The following DGKB variants were observed in gnomAD, a reference collection of about 807,000 sequenced individuals.
DGKB encodes the protein diacylglycerol kinase beta.
Under a neutral mutation model 114.3 loss-of-function variants are expected in DGKB, and 67 were observed. The ratio of observed to expected loss-of-function variants is 0.59; its 90% CI spans 0.48 to 0.72. The LOEUF (loss-of-function observed/expected upper bound fraction) is 0.72. Ranked by LOEUF, DGKB falls within the 30% of genes least tolerant of loss-of-function variation. The probability of loss-of-function intolerance (pLI) is 0.00; values close to 1 mark genes in which losing one functional copy is unlikely to be tolerated. For synonymous variants in DGKB, 398 were observed against 323.1 expected, an observed-to-expected ratio of 1.23 and a Z score of -2.49; for missense variants, 907 against 975.2, an observed-to-expected ratio of 0.93 and a Z score of 0.93.
intron 20 of DGKB, among the ~76,000 whole-genome samples, chr7:14,509,712 G>A (rs899586255): frequency 6.6e-5 from 10 of 152,178 alleles, no homozygotes; most frequent in Non-Finnish European, 1.3e-4. Flanking sequence ...GCAAGCCTCC[G>A]ACGCTCTGGT....
At chr7:14,171,259 G>A (rs1476023122) in intron 25 of DGKB, among the ~76,000 whole-genome samples, 1 of 152,176 alleles carries the variant, frequency 6.6e-6, no homozygotes, top group Non-Finnish European at 1.5e-5. Context: ...CTATCACTTT[G>A]TAGAGTCTTC....
At chr7:14,704,079 A>G (rs1439551181) in intron 6 of DGKB, among the ~76,000 whole-genome samples, 1 of 151,984 alleles carries the variant, frequency 6.6e-6, no homozygotes, top group Non-Finnish European at 1.5e-5. Flanking sequence ...TCTCTCTCCA[A>G]AGACACCCAT....
chr7:14,893,321 A>G (rs1781587073), intron 1 of DGKB, among the ~76,000 whole-genome samples: 1 of 151,380 alleles, frequency 6.6e-6, no homozygotes, highest in Non-Finnish European at 1.5e-5. Context: ...AACATCCAAC[A>G]GTGATGATTA....
chr7:14,669,190 C>A (rs770438917), intron 13 of DGKB, among the ~76,000 whole-genome samples: 1 of 152,176 alleles, frequency 6.6e-6, no homozygotes, highest in Non-Finnish European at 1.5e-5. Flanking sequence ...CCCCTCAACA[C>A]TACACAGATT....
At chr7:14,699,774 CAAA>C (rs984933272) in intron 7 of DGKB, among the ~76,000 whole-genome samples, 1 of 151,398 alleles carries the variant, frequency 6.6e-6, no homozygotes, top group Non-Finnish European at 1.5e-5. Flanking sequence ...CCTTTAATTA[CAAA>C]AAAATAGAGA....
At chr7:14,479,795 A>G (rs1474679956) in intron 20 of DGKB, among the ~76,000 whole-genome samples, 1 of 152,086 alleles carries the variant, frequency 6.6e-6, no homozygotes, top group African/African-American at 2.4e-5. Context: ...ATGATCAATT[A>G]ATTAATTTTG....
chr7:14,672,889 G>T, intron 13 of DGKB, 40 bp downstream of exon 13: 1 of 1,230,364 alleles, frequency 8.1e-7, no homozygotes, highest in South Asian at 1.3e-5. Flanking sequence ...ATAAGTCACA[G>T]CAATCCTAAG....
chr7:14,422,383 C>T (rs12536670), intron 21 of DGKB, among the ~76,000 whole-genome samples: 39,403 of 151,690 alleles, frequency 0.26, 5,632 homozygotes, highest in East Asian at 0.49. Context: ...AAAAACTCTG[C>T]GAATAAAGAA....
At chr7:14,696,929 G>A (rs1047403687) in intron 8 of DGKB, among the ~76,000 whole-genome samples, 4 of 152,160 alleles carry the variant, frequency 2.6e-5, no homozygotes, top group Admixed American at 1.3e-4. Context: ...GTTGTTTACC[G>A]CATAGATGTG....
intron 20 of DGKB, among the ~76,000 whole-genome samples, chr7:14,504,654 A>T (rs1473522787): frequency 6.6e-6 from 1 of 152,234 alleles, no homozygotes; most frequent in African/African-American, 2.4e-5. Context: ...CACAGGCATC[A>T]ATAAGTTGTC....
intron 13 of DGKB, among the ~76,000 whole-genome samples, chr7:14,645,636 C>T (rs939354613): frequency 2.0e-5 from 3 of 151,712 alleles, no homozygotes; most frequent in Admixed American, 2.0e-4. Flanking sequence ...AGACTAACAA[C>T]ACACTTCTCA....
intron 23 of DGKB, among the ~76,000 whole-genome samples, chr7:14,211,994 GTTTTGTGATATTTACTCTCA>G (rs1788011883): frequency 1.9e-5 from 1 of 53,674 alleles, no homozygotes; most frequent in Non-Finnish European, 4.3e-5. Flanking sequence ...TTACTCTCAT[GTTTTGTGATATTTACTCTCA>G]TGTTTTGTGA....
intron 21 of DGKB, among the ~76,000 whole-genome samples, chr7:14,391,717 A>G (rs1821349215): frequency 6.6e-6 from 1 of 152,018 alleles, no homozygotes; most frequent in South Asian, 2.1e-4. Context: ...AAGAATGGTA[A>G]AGACAAAGGG....
intron 3 of DGKB, among the ~76,000 whole-genome samples, chr7:14,755,455 G>A (rs1834732522): frequency 6.6e-6 from 1 of 152,054 alleles, no homozygotes; most frequent in African/African-American, 2.4e-5. Flanking sequence ...TTTAGAAAAC[G>A]ATGAATTAAT....
chr7:14,586,553 C>T (rs1800800978), intron 17 of DGKB, among the ~76,000 whole-genome samples: 1 of 152,144 alleles, frequency 6.6e-6, no homozygotes, highest in African/African-American at 2.4e-5. Flanking sequence ...ATGTAGACAA[C>T]ATAGCCTTCT....
chr7:14,665,695 T>C (rs1817909788), intron 13 of DGKB, among the ~76,000 whole-genome samples: 1 of 152,070 alleles, frequency 6.6e-6, no homozygotes, highest in African/African-American at 2.4e-5. Flanking sequence ...AAGTCTTCTT[T>C]TGTTGATGGT....
chr7:14,588,664 T>A (rs996274345), intron 17 of DGKB, among the ~76,000 whole-genome samples: 1 of 152,090 alleles, frequency 6.6e-6, no homozygotes, highest in African/African-American at 2.4e-5. Context: ...ATCTTTTCAT[T>A]TATTGAATAA....
At chr7:14,366,471 C>T (rs1283624893) in intron 21 of DGKB, among the ~76,000 whole-genome samples, 1 of 152,130 alleles carries the variant, frequency 6.6e-6, no homozygotes, top group African/African-American at 2.4e-5. Flanking sequence ...ATTGCTGTAT[C>T]CTGAATGTGT....
rs531846459 is a variant in DGKB, at chr7:14,614,654, G to T, written c.1285-1241C>A. Among the ~76,000 whole-genome samples, 18 of 151,034 alleles carry T rather than the reference G, an allele frequency of 1.2e-4. No homozygotes were observed. The South Asian group carries it at 3.7e-3, about 31-fold the overall frequency. ...TTTCCTCCACTTCTTTAGTAAAATG[G>T]CATTTTTCTAATGAGAATAGGCAAT... On this transcript the variant is annotated intron_variant, in intron 15 of 25. Coordinates refer to ENST00000402815, the MANE Select transcript of DGKB (RefSeq NM_001350709.2).
Sources: allele counts gnomAD v4.1 joint callset (sites outside exome capture counted in the v4.1 genomes callset), GRCh38; gene constraint gnomAD v4.1.1; transcripts MANE v1.5; gene names NCBI Gene and HGNC (gene_info 2026-07-23, HGNC 2026-07-21).